The following ASTN2 variants were observed in gnomAD, a reference collection of about 807,000 sequenced individuals.
The protein encoded by ASTN2 is astrotactin-2.
Under a neutral mutation model 139.8 loss-of-function variants are expected in ASTN2, and 54 were observed. That is an observed-to-expected ratio of 0.39 (90% CI 0.31 to 0.48). The LOEUF (loss-of-function observed/expected upper bound fraction) is 0.48, where lower values mean the gene tolerates loss of function less well. Ranked by LOEUF, ASTN2 falls within the 20% of genes least tolerant of loss-of-function variation. The probability of loss-of-function intolerance (pLI) is 0.95; values close to 1 mark genes in which losing one functional copy is unlikely to be tolerated. For synonymous variants in ASTN2, 756 were observed against 719.5 expected (o/e 1.05, Z -0.81); for missense variants, 1,565 against 1,725.1 (o/e 0.91, Z 1.64).
At position 116,955,688 on chromosome 9, in the gene ASTN2, T is replaced by C. The variant is rs374874717; in HGVS notation, c.1889+19520A>G. On this transcript the variant is annotated intron_variant, in intron 10 of 22. Coordinates refer to ENST00000313400, the MANE Select transcript of ASTN2 (RefSeq NM_001365068.1). Reference sequence around the variant, plus strand: ...ATTTGAACCTCCTGCTGCTCTAGCATCTGACTGTGTGGTCGTAGCAAGTTG... The same window carrying C: ...ATTTGAACCTCCTGCTGCTCTAGCACCTGACTGTGTGGTCGTAGCAAGTTG... Among the ~76,000 whole-genome samples the C allele has an allele frequency of 2.4e-4, 37 of 152,228 alleles. 4 individuals carry two copies. The highest frequency in any genetic ancestry group is 1.8e-3 in the Admixed American group (27 of 15,280).
chr9:117,207,332 C>T (rs1455306678), intron 3 of ASTN2, among the ~76,000 whole-genome samples: 1 of 152,160 alleles, frequency 6.6e-6, no homozygotes, highest in African/African-American at 2.4e-5. Context: ...TATCGTGGGC[C>T]TGACAAACAG....
At chr9:117,370,250 C>G (rs1829953925) in intron 1 of ASTN2, among the ~76,000 whole-genome samples, 1 of 152,072 alleles carries the variant, frequency 6.6e-6, no homozygotes. Context: ...AATATAATTC[C>G]CAGGACAAAA....
At chr9:116,526,415 C>T (rs938101172) in intron 19 of ASTN2, among the ~76,000 whole-genome samples, 1 of 151,884 alleles carries the variant, frequency 6.6e-6, no homozygotes, top group Admixed American at 6.6e-5. Context: ...AGTTTGAGAG[C>T]AGCCTGGCCA....
intron 7 of ASTN2, among the ~76,000 whole-genome samples, chr9:117,006,332 C>T (rs1361485431): frequency 6.6e-6 from 1 of 152,180 alleles, no homozygotes; most frequent in Non-Finnish European, 1.5e-5. Context: ...CCCTGACCTT[C>T]CCACTGCATC....
intron 1 of ASTN2, among the ~76,000 whole-genome samples, chr9:117,348,755 G>T (rs1038770619): frequency 6.6e-6 from 1 of 152,056 alleles, no homozygotes; most frequent in African/African-American, 2.4e-5. Flanking sequence ...TTTTATAAGT[G>T]CCAAACACTT....
intron 6 of ASTN2, among the ~76,000 whole-genome samples, chr9:117,032,986 A>T (rs1046721795): frequency 5.3e-5 from 8 of 152,312 alleles, no homozygotes; most frequent in African/African-American, 1.9e-4. Flanking sequence ...TTGATGCAAC[A>T]ATCATATCAA....
At position 116,504,863 on chromosome 9, in the gene ASTN2, T is replaced by C. The variant is rs528742286; in HGVS notation, c.3356-17363A>G. Among the ~76,000 whole-genome samples, 6 of 132,374 alleles carry C rather than the reference T, an allele frequency of 4.5e-5. No homozygotes were observed. In the South Asian group the frequency reaches 1.2e-3, roughly 26 times the overall value. 86.8% of individuals were successfully genotyped at this position (132,374 alleles called of 152,430 possible). On this transcript the variant is annotated intron_variant, in intron 19 of 22. Transcript: ENST00000313400. The stretch of plus-strand genomic sequence containing the variant: ...GTGAGCCAAGATAGTACCACTGCCC[T>C]CTAGCCTGGATGACCAAGTGAAATC...
chr9:116,453,873 C>A (rs1848249724), intron 20 of ASTN2, among the ~76,000 whole-genome samples: 1 of 152,158 alleles, frequency 6.6e-6, no homozygotes, highest in South Asian at 2.1e-4. Flanking sequence ...ATCAGTTACC[C>A]CATGACAGCA....
chr9:117,021,479 C>A (rs972683715), intron 6 of ASTN2, among the ~76,000 whole-genome samples: 1 of 152,110 alleles, frequency 6.6e-6, no homozygotes, highest in South Asian at 2.1e-4. Context: ...TGCGCAGAGA[C>A]CCTATAAAAG....
intron 10 of ASTN2, among the ~76,000 whole-genome samples, chr9:116,889,744 C>T (rs1255337469): frequency 6.8e-6 from 1 of 146,670 alleles, no homozygotes; most frequent in Non-Finnish European, 1.5e-5. Flanking sequence ...CACACACACA[C>T]ACACACACAC....
chr9:116,875,492 G>A (rs1833271800), intron 10 of ASTN2, among the ~76,000 whole-genome samples: 1 of 152,220 alleles, frequency 6.6e-6, no homozygotes, highest in South Asian at 2.1e-4. Flanking sequence ...AGGAGAAGCA[G>A]CAAGTGCTGA....
chr9:116,466,279 G>C (rs1247315092), intron 20 of ASTN2, among the ~76,000 whole-genome samples: 2 of 152,110 alleles, frequency 1.3e-5, no homozygotes, highest in Non-Finnish European at 2.9e-5. Context: ...ATCTCTGTGA[G>C]GTTTGCATTG....
chr9:117,147,834 C>G (rs1011799036), intron 3 of ASTN2, among the ~76,000 whole-genome samples: 1 of 152,166 alleles, frequency 6.6e-6, no homozygotes, highest in Admixed American at 6.5e-5. Flanking sequence ...CTCCAATGCT[C>G]TGGCCTTATC....
At chr9:117,353,726 G>C (rs946314314) in intron 1 of ASTN2, among the ~76,000 whole-genome samples, 1 of 151,974 alleles carries the variant, frequency 6.6e-6, no homozygotes, top group Admixed American at 6.6e-5. Flanking sequence ...TGCCCTAATC[G>C]CGCCATCTGC....
At chr9:116,725,637 G>A in intron 16 of ASTN2, 134 bp downstream of exon 16, 2 of 833,050 alleles carry the variant, frequency 2.4e-6, no homozygotes, top group East Asian at 5.0e-5. Context: ...AGAGAGGCAG[G>A]GACTTGCCCA....
chr9:117,231,098 A>G (rs1037562523), intron 2 of ASTN2, among the ~76,000 whole-genome samples: 1 of 151,938 alleles, frequency 6.6e-6, no homozygotes, highest in Non-Finnish European at 1.5e-5. Flanking sequence ...TATCTACAGC[A>G]CTCTCTGAGT....
At chr9:116,453,068 G>A (rs117397047) in intron 20 of ASTN2, among the ~76,000 whole-genome samples, 1 of 152,016 alleles carries the variant, frequency 6.6e-6, no homozygotes. Context: ...AGGCAGAATG[G>A]TTCTTATCTA....
chr9:116,717,261 C>T (rs1454420130), intron 16 of ASTN2, among the ~76,000 whole-genome samples: 1 of 151,504 alleles, frequency 6.6e-6, no homozygotes, highest in Non-Finnish European at 1.5e-5. Flanking sequence ...TAGGGTGTTC[C>T]GTTCCAGATG....
At chr9:116,775,603 G>GGGAAAGAA (rs1564260255) in intron 13 of ASTN2, among the ~76,000 whole-genome samples, 2 of 39,094 alleles carry the variant, frequency 5.1e-5, no homozygotes, top group Admixed American at 5.8e-4. Flanking sequence ...GAGGGAGGGA[G>GGGAAAGAA]GGAAAGAAGG....
Sources: gnomAD v4.1 joint callset for allele counts (sites outside exome capture counted in the v4.1 genomes callset) on GRCh38, gnomAD v4.1.1 for gene constraint, MANE v1.5 for transcripts, NCBI Gene and HGNC (gene_info 2026-07-23, HGNC 2026-07-21) for gene names.